JARID2: variants seen among roughly 807,000 people sequenced by gnomAD.
The protein encoded by JARID2 is protein Jumonji.
JARID2 carries 21 observed loss-of-function variants against 125.6 expected under a neutral mutation model. The ratio of observed to expected loss-of-function variants is 0.17; its 90% CI spans 0.12 to 0.24. The LOEUF (loss-of-function observed/expected upper bound fraction) is 0.24. JARID2 is among the 10% of genes least tolerant of loss of function. The pLI is 1.00. For missense variants in JARID2, 1,303 were observed against 1,639.6 expected, an observed-to-expected ratio of 0.79 and a Z score of 3.55; for synonymous variants, 736 against 661.6, an observed-to-expected ratio of 1.11 and a Z score of -1.73.
intron 1 of JARID2, among the ~76,000 whole-genome samples, chr6:15,275,294 T>G (rs570699483): frequency 1.3e-5 from 2 of 152,080 alleles, no homozygotes; most frequent in South Asian, 4.1e-4. Context: ...TAGACAGGGT[T>G]TTGGATCTTT....
chr6:15,379,913 G>T (rs901639254), intron 2 of JARID2, among the ~76,000 whole-genome samples: 1 of 152,116 alleles, frequency 6.6e-6, no homozygotes, highest in East Asian at 1.9e-4. Context: ...ATAAGGAGAG[G>T]TAATTTTGGA....
At chr6:15,294,424 C>T (rs980029738) in intron 1 of JARID2, among the ~76,000 whole-genome samples, 2 of 152,186 alleles carry the variant, frequency 1.3e-5, no homozygotes, top group African/African-American at 4.8e-5. Context: ...GATCTCCTGG[C>T]CTCGTGATCC....
chr6:15,375,704 G>A (rs1021965033), intron 2 of JARID2, among the ~76,000 whole-genome samples: 3 of 152,190 alleles, frequency 2.0e-5, no homozygotes, highest in African/African-American at 7.2e-5. Context: ...GATTCACGTT[G>A]AACGTAGCAT....
rs1006478465 is a variant in JARID2 at position 15,448,219 on chromosome 6, T to A, written c.324-3787T>A. Among the ~76,000 whole-genome samples, 6 of 152,236 alleles carry A rather than the reference T, an allele frequency of 3.9e-5. No homozygotes were observed. In the East Asian group the frequency reaches 1.2e-3, roughly 29 times the overall value. On this transcript the variant is annotated intron_variant, in intron 3 of 17. Transcript: ENST00000341776. ...TTCTTCCTCTAAGGGGTAATTTATT[T>A]TACTGCCACTTTTTAATGTGTTATT...
At chr6:15,374,277 A>C in intron 2 of JARID2, 25 bp downstream of exon 2, 3 of 1,611,492 alleles carry the variant, frequency 1.9e-6, no homozygotes, top group Non-Finnish European at 2.5e-6. Context: ...GGAATATCTC[A>C]TTGGAATGTA....
At chr6:15,247,138 G>T (rs953285544) in intron 1 of JARID2, among the ~76,000 whole-genome samples, 6 of 152,148 alleles carry the variant, frequency 3.9e-5, no homozygotes, top group African/African-American at 1.4e-4. Flanking sequence ...ATGTTACAGC[G>T]AATGCATTTG....
intron 1 of JARID2, among the ~76,000 whole-genome samples, chr6:15,292,875 T>G (rs1000819906): frequency 6.6e-6 from 1 of 152,142 alleles, no homozygotes; most frequent in Admixed American, 6.6e-5. Context: ...TCCTATGTTG[T>G]CTAATCTGGT....
chr6:15,325,394 C>A (rs1762505442), intron 1 of JARID2, among the ~76,000 whole-genome samples: 1 of 152,100 alleles, frequency 6.6e-6, no homozygotes, highest in African/African-American at 2.4e-5. Flanking sequence ...TGTCAAGAGA[C>A]CCAGCATATT....
intron 3 of JARID2, among the ~76,000 whole-genome samples, chr6:15,441,477 A>G (rs1767443248): frequency 6.6e-6 from 1 of 152,204 alleles, no homozygotes; most frequent in African/African-American, 2.4e-5. Flanking sequence ...GCTACTTCAT[A>G]AGATTTGCAG....
intron 3 of JARID2, among the ~76,000 whole-genome samples, chr6:15,423,772 C>T (rs775275028): frequency 8.0e-4 from 122 of 152,184 alleles, no homozygotes; most frequent in Non-Finnish European, 1.4e-3. Flanking sequence ...CCACTCCTTG[C>T]TGGCCTCTGC....
chr6:15,290,906 C>T (rs1761183613), intron 1 of JARID2, among the ~76,000 whole-genome samples: 1 of 152,206 alleles, frequency 6.6e-6, no homozygotes, highest in Non-Finnish European at 1.5e-5. Flanking sequence ...AGGCGTGAGG[C>T]ACTGAGCCTG....
chr6:15,288,494 T>TA (rs765799521), intron 1 of JARID2, among the ~76,000 whole-genome samples: 51 of 152,324 alleles, frequency 3.3e-4, no homozygotes, highest in South Asian at 2.9e-3. Context: ...TGGGGACAAA[T>TA]ATCTGAACTA....
rs759855077 is a variant in JARID2 at position 15,340,364 on chromosome 6, A to G, written c.46-33753A>G. On this transcript the variant is annotated intron_variant, in intron 1 of 17. Coordinates refer to ENST00000341776, the MANE Select transcript of JARID2 (RefSeq NM_004973.4). ...GGCTGATTTCTGAGCCTGATTCTCA[A>G]TCTGTGACTTGTGCGACATCATTGT... 9.2e-5 allele frequency among the ~76,000 whole-genome samples: 14 copies of G among 152,200 alleles called. 1 individual carries two copies. Among genetic ancestry groups the G allele is most frequent in the Admixed American group, 3.9e-4 (6 of 15,284 alleles).
At chr6:15,430,562 T>C (rs978527229) in intron 3 of JARID2, among the ~76,000 whole-genome samples, 1 of 152,228 alleles carries the variant, frequency 6.6e-6, no homozygotes, top group Non-Finnish European at 1.5e-5. Flanking sequence ...AGGTGCTTTA[T>C]TGAATTAAGT....
rs1191257180 is a variant in JARID2, at chr6:15,487,600, C to T, written c.906+58C>T. The T allele has an allele frequency of 2.9e-6, 4 of 1,395,602 alleles. No homozygotes were observed. In the East Asian group the frequency reaches 9.7e-5, roughly 34 times the overall value. The allele number at this position is 1,395,602 out of a possible 1,614,324, so 86.5% of individuals were successfully genotyped here. On this transcript the variant is annotated intron_variant, in intron 6 of 17. Coordinates refer to ENST00000341776, the MANE Select transcript of JARID2 (RefSeq NM_004973.4). Reference sequence around the variant, plus strand: ...CAGACCCCAGTTTCCCACTTCACTTCACCAAGCTAAAAATTCATCTTCAGA... The same window carrying T: ...CAGACCCCAGTTTCCCACTTCACTTTACCAAGCTAAAAATTCATCTTCAGA...
intron 1 of JARID2, among the ~76,000 whole-genome samples, chr6:15,253,770 C>G (rs954569472): frequency 1.3e-5 from 2 of 152,198 alleles, no homozygotes; most frequent in African/African-American, 4.8e-5. Context: ...GACGACACAA[C>G]ACCCACTTCT....
At position 15,350,572 on chromosome 6, in the gene JARID2, C is replaced by T. The variant is rs72834598; in HGVS notation, c.46-23545C>T. Among the ~76,000 whole-genome samples, 1,386 of 152,262 alleles carry T rather than the reference C, an allele frequency of 9.1e-3. 12 individuals are homozygous for T. The highest frequency in any genetic ancestry group is 0.024 in the Middle Eastern group (7 of 294). ...ACAAACAACCCATTTGCATCAGTCA[C>T]CTTGTTCTCATAGCCTGAGTATGAG... On this transcript the variant is annotated intron_variant, in intron 1 of 17. Transcript: ENST00000341776.
intron 6 of JARID2, among the ~76,000 whole-genome samples, chr6:15,489,582 A>C (rs879482906): frequency 5.3e-5 from 8 of 152,262 alleles, no homozygotes; most frequent in Non-Finnish European, 1.0e-4. Flanking sequence ...GGACAGAGGA[A>C]AGAGCTGAGG....
chr6:15,247,922 A>G (rs1002544596), intron 1 of JARID2: 33 of 985,322 alleles, frequency 3.3e-5, no homozygotes, highest in Admixed American at 6.2e-5. Flanking sequence ...CACTGAGGCA[A>G]CCTTGTCTTG....
Sources: gnomAD v4.1 joint callset for allele counts (sites outside exome capture counted in the v4.1 genomes callset) on GRCh38, gnomAD v4.1.1 for gene constraint, MANE v1.5 for transcripts, NCBI Gene and HGNC (gene_info 2026-07-23, HGNC 2026-07-21) for gene names.